DACH2: variants seen among roughly 807,000 people sequenced by gnomAD.
DACH2 encodes dachshund homolog 2.
A neutral mutation model predicts 35.8 loss-of-function variants in DACH2; 17 were observed. That is an observed-to-expected ratio of 0.48 (90% CI 0.33 to 0.71). The LOEUF is 0.71. DACH2 is among the 30% of genes least tolerant of loss of function. The pLI is 0.02. For missense variants in DACH2, 469 were observed against 472.7 expected, an observed-to-expected ratio of 0.99 and a Z score of 0.07; for synonymous variants, 195 against 177.3, an observed-to-expected ratio of 1.10 and a Z score of -0.79.
At chrX:86,593,015 T>C (rs1157227105) in intron 3 of DACH2, among the ~76,000 whole-genome samples, 2 of 111,793 alleles carry the variant, frequency 1.8e-5, no homozygotes, top group Non-Finnish European at 3.8e-5. Flanking sequence ...TCTTTTCTTT[T>C]CCTATTATGT....
chrX:86,186,121 T>A (rs748276628), intron 1 of DACH2, among the ~76,000 whole-genome samples: 92 of 112,725 alleles, frequency 8.2e-4, no homozygotes, highest in African/African-American at 2.7e-3. Context: ...TACTGTAAAA[T>A]CCTATACTAA....
chrX:86,398,793 G>T (rs1225695969), intron 2 of DACH2, among the ~76,000 whole-genome samples: 1 of 111,699 alleles, frequency 9.0e-6, no homozygotes. Flanking sequence ...ATTTGCTGAG[G>T]AGTGCTTTAC....
At chrX:86,656,368 T>A (rs865824303) in intron 4 of DACH2, among the ~76,000 whole-genome samples, 1 of 111,227 alleles carries the variant, frequency 9.0e-6, no homozygotes, top group South Asian at 3.8e-4. Context: ...CAACCTCTCA[T>A]ACTACAGATG....
At chrX:86,514,257 A>T in intron 2 of DACH2, 22 bp from the exon 3 acceptor site, 1 of 1,175,984 alleles carries the variant, frequency 8.5e-7, no homozygotes, top group Non-Finnish European at 1.2e-6. Flanking sequence ...ACCTTTATCT[A>T]TATTTGTCTG....
intron 1 of DACH2, among the ~76,000 whole-genome samples, chrX:86,371,037 G>A (rs1306583988): frequency 9.0e-6 from 1 of 110,847 alleles, no homozygotes; most frequent in Non-Finnish European, 1.9e-5. Context: ...GTTTTTGTAG[G>A]ACATATGAGA....
chrX:86,233,004 A>C (rs2032982513), intron 1 of DACH2, among the ~76,000 whole-genome samples: 1 of 112,266 alleles, frequency 8.9e-6, no homozygotes, highest in East Asian at 2.8e-4. Context: ...AATGCTATGC[A>C]GCCATAAAAA....
At chrX:86,302,358 GA>G (rs1430279899) in intron 1 of DACH2, among the ~76,000 whole-genome samples, 1 of 111,527 alleles carries the variant, frequency 9.0e-6, no homozygotes, top group Non-Finnish European at 1.9e-5. Flanking sequence ...AGAACTAGTG[GA>G]AAAAATGATT....
chrX:86,784,938 G>A (rs2042122918), intron 7 of DACH2, among the ~76,000 whole-genome samples: 1 of 110,833 alleles, frequency 9.0e-6, no homozygotes, highest in Non-Finnish European at 1.9e-5. Flanking sequence ...AGTACACAAG[G>A]ACACAAAGAA....
In DACH2 at chrX:86,480,438, T is replaced by G. The variant is rs993893456; in HGVS notation, c.528-33841T>G. Among the ~76,000 whole-genome samples the G allele has an allele frequency of 2.7e-5, 3 of 111,769 alleles. No individual in the cohort carries two copies. In the Admixed American group the frequency reaches 2.9e-4, roughly 11 times the overall value. On this transcript the variant is annotated intron_variant, in intron 2 of 11. Transcript: ENST00000373125. ...GTTAGACCTGAAGCCAGCACAACACTGGGTCTTACCAAAGGTCTACTGTAA... is the reference window on the plus strand; with the variant it reads ...GTTAGACCTGAAGCCAGCACAACACGGGGTCTTACCAAAGGTCTACTGTAA...
At chrX:86,442,824 G>T (rs762172155) in intron 2 of DACH2, among the ~76,000 whole-genome samples, 1 of 108,473 alleles carries the variant, frequency 9.2e-6, no homozygotes, top group South Asian at 3.7e-4. Context: ...TTTCTCCATC[G>T]TGTGTCCTTG....
chrX:86,278,797 A>G (rs926380231), intron 1 of DACH2, among the ~76,000 whole-genome samples: 1 of 111,724 alleles, frequency 9.0e-6, no homozygotes, highest in Non-Finnish European at 1.9e-5. Context: ...CACTGGCTTG[A>G]AATTCTCGCT....
intron 1 of DACH2, among the ~76,000 whole-genome samples, chrX:86,278,919 G>T (rs2033969956): frequency 8.9e-6 from 1 of 112,036 alleles, no homozygotes; most frequent in African/African-American, 3.2e-5. Context: ...TGTAAACAAA[G>T]CCTCCAGAAA....
intron 5 of DACH2, among the ~76,000 whole-genome samples, chrX:86,699,618 C>G (rs1244833156): frequency 9.0e-6 from 1 of 111,387 alleles, no homozygotes; most frequent in Non-Finnish European, 1.9e-5. Flanking sequence ...GAATACAATT[C>G]AATATGCGAT....
intron 1 of DACH2, among the ~76,000 whole-genome samples, chrX:86,326,450 G>A (rs895592639): frequency 1.0e-4 from 11 of 107,802 alleles, no homozygotes; most frequent in African/African-American, 3.7e-4. Context: ...TCGGGTGATG[G>A]AGTGAGTGAG....
In DACH2 at chrX:86,282,870, C is replaced by T. The variant is rs1457789184; in HGVS notation, c.489-93954C>T. On this transcript the variant is annotated intron_variant, in intron 1 of 11. Transcript: ENST00000373125. ...TCGGCTCACTGCAAGCTCCGCCTCC[C>T]GGGTTCACGCCATTCTCCTGCCTCA... Among the ~76,000 whole-genome samples the T allele has an allele frequency of 6.5e-3, 257 of 39,743 alleles. 74 individuals carry two copies. The highest frequency in any genetic ancestry group is 8.6e-3 in the Middle Eastern group (1 of 116). 34.5% of individuals were successfully genotyped at this position (39,743 alleles called of 115,157 possible). A position where few individuals can be genotyped will look rare whatever the true frequency, so the allele number is the denominator to read the frequency against.
chrX:86,549,567 A>G (rs1602635485), intron 3 of DACH2, among the ~76,000 whole-genome samples: 1 of 110,109 alleles, frequency 9.1e-6, no homozygotes, highest in African/African-American at 3.3e-5. Context: ...AATACTATTT[A>G]TATTTTTTTA....
intron 3 of DACH2, among the ~76,000 whole-genome samples, chrX:86,531,772 G>T (rs1254413595): frequency 2.7e-5 from 3 of 112,223 alleles, no homozygotes; most frequent in Non-Finnish European, 5.6e-5. Flanking sequence ...GCTGAGAGAA[G>T]AGGGCCACCA....
chrX:86,230,885 G>T (rs1464241195), intron 1 of DACH2, among the ~76,000 whole-genome samples: 1 of 111,239 alleles, frequency 9.0e-6, no homozygotes, highest in Non-Finnish European at 1.9e-5. Context: ...TTTTTCCTTA[G>T]GTTAATCTTG....
chrX:86,808,732 C>T (rs903325588), intron 7 of DACH2, among the ~76,000 whole-genome samples: 13 of 110,093 alleles, frequency 1.2e-4, no homozygotes, highest in Non-Finnish European at 1.5e-4. Context: ...TACTTGATAA[C>T]GAATAAAACT....
Sources: gnomAD v4.1 joint callset for allele counts (sites outside exome capture counted in the v4.1 genomes callset) on GRCh38, gnomAD v4.1.1 for gene constraint, MANE v1.5 for transcripts, NCBI Gene and HGNC (gene_info 2026-07-23, HGNC 2026-07-21) for gene names.